The following TSPAN5 variants were observed in gnomAD, a reference collection of about 807,000 sequenced individuals.
The protein encoded by TSPAN5 is tetraspanin 5, also known as tetraspanin-5.
In TSPAN5, 10 loss-of-function variants were observed where a neutral mutation model predicts 37.1. The ratio of observed to expected loss-of-function variants is 0.27; its 90% CI spans 0.17 to 0.46. The LOEUF (loss-of-function observed/expected upper bound fraction) is 0.46. Ranked by LOEUF, TSPAN5 falls within the 20% of genes least tolerant of loss-of-function variation. The pLI is 1.00. For synonymous variants in TSPAN5, 110 were observed against 118.9 expected (o/e 0.93, Z 0.48); for missense variants, 195 against 326.6 (o/e 0.60, Z 3.11).
chr4:98,648,783 C>A (rs1226027381), intron 1 of TSPAN5, among the ~76,000 whole-genome samples: 1 of 152,212 alleles, frequency 6.6e-6, no homozygotes, highest in Non-Finnish European at 1.5e-5. Flanking sequence ...GAAGGAGAGG[C>A]CACATCTTCC....
chr4:98,472,390 G>A lies in TSPAN5; in HGVS notation c.*132C>T, dbSNP rs1752607917. The stretch of plus-strand genomic sequence containing the variant: ...TTTCCCAGTTTTACACTCCCCTAAT[G>A]GCAGCTCCATTAGGCGAGACTGCAG... On this transcript the variant is annotated 3_prime_UTR_variant, in exon 8 of 8. Transcript: ENST00000305798. 1.5e-6 allele frequency: 1 copy of A among 654,346 alleles called. No homozygotes were observed. Among genetic ancestry groups the A allele is most frequent in the Middle Eastern group, 4.3e-4 (1 of 2,352 alleles). 40.5% of individuals were successfully genotyped at this position (654,346 alleles called of 1,614,324 possible).
At chr4:98,638,698 CTGT>C (rs1756907028) in intron 1 of TSPAN5, among the ~76,000 whole-genome samples, 8 of 152,172 alleles carry the variant, frequency 5.3e-5, no homozygotes, top group Admixed American at 5.2e-4. Flanking sequence ...GAAGCTCCAC[CTGT>C]ATCTGGTCTT....
rs1198180086 is a variant in TSPAN5 at position 98,570,857 on chromosome 4, C to A, written c.82-63129G>T. Reference sequence around the variant, plus strand: ...GCACCTCCTACAGACCTGAGCCAAACTGGCTCTGAGCAACGCGTGCTGGGG... The same window carrying A: ...GCACCTCCTACAGACCTGAGCCAAAATGGCTCTGAGCAACGCGTGCTGGGG... On this transcript the variant is annotated intron_variant, in intron 1 of 7. Coordinates refer to ENST00000305798, the MANE Select transcript of TSPAN5 (RefSeq NM_005723.4). Among the ~76,000 whole-genome samples, 3 of 152,214 alleles carry A rather than the reference C, an allele frequency of 2.0e-5. No homozygotes were observed. The East Asian group carries it at 5.8e-4, about 30-fold the overall frequency.
At chr4:98,606,686 T>C (rs982057792) in intron 1 of TSPAN5, among the ~76,000 whole-genome samples, 1 of 152,206 alleles carries the variant, frequency 6.6e-6, no homozygotes, top group Non-Finnish European at 1.5e-5. Context: ...TGAACATATA[T>C]GAAAGGCAAT....
intron 1 of TSPAN5, among the ~76,000 whole-genome samples, chr4:98,642,105 T>A (rs1363225649): frequency 1.3e-5 from 2 of 152,182 alleles, no homozygotes; most frequent in Non-Finnish European, 2.9e-5. Flanking sequence ...CAAAGAACAA[T>A]GAAATAAGCA....
rs1214136742 is a variant in TSPAN5 at position 98,556,041 on chromosome 4, C to CCCCACA, written c.82-48314_82-48313insTGTGGG. On this transcript the variant is annotated intron_variant, in intron 1 of 7. Coordinates refer to ENST00000305798, the MANE Select transcript of TSPAN5 (RefSeq NM_005723.4). ...ACACACCCCCACACACACAGCACCC[C>CCCCACA]CACACACACACACACACACACACAG... is the stretch of plus-strand genomic sequence containing the variant. Among the ~76,000 whole-genome samples, 3 of 101,630 alleles carry CCCCACA rather than the reference C, an allele frequency of 3.0e-5. 1 individual carries two copies. Among genetic ancestry groups the CCCCACA allele is most frequent in the African/African-American group, 1.7e-4 (3 of 17,776 alleles). 66.7% of individuals were successfully genotyped at this position (101,630 alleles called of 152,430 possible).
chr4:98,586,668 T>C (rs1219521074), intron 1 of TSPAN5, among the ~76,000 whole-genome samples: 1 of 152,220 alleles, frequency 6.6e-6, no homozygotes, highest in African/African-American at 2.4e-5. Context: ...AAAGAGAGTT[T>C]GTTACAGTTA....
At chr4:98,641,580 G>A (rs1049528975) in intron 1 of TSPAN5, among the ~76,000 whole-genome samples, 7 of 152,156 alleles carry the variant, frequency 4.6e-5, no homozygotes, top group Non-Finnish European at 1.0e-4. Context: ...AAACGACTGC[G>A]CCAAAACCAT....
At chr4:98,585,114 AT>A (rs1755456487) in intron 1 of TSPAN5, among the ~76,000 whole-genome samples, 1 of 152,198 alleles carries the variant, frequency 6.6e-6, no homozygotes, top group Non-Finnish European at 1.5e-5. Context: ...AAAAAACCTA[AT>A]TTTTAAAAAG....
chr4:98,555,900 T>C (rs936361547), intron 1 of TSPAN5, among the ~76,000 whole-genome samples: 1 of 152,062 alleles, frequency 6.6e-6, no homozygotes, highest in African/African-American at 2.4e-5. Flanking sequence ...AGGATATCCT[T>C]AGCAAAAGCA....
At chr4:98,601,291 C>T (rs1159015720) in intron 1 of TSPAN5, among the ~76,000 whole-genome samples, 1 of 152,230 alleles carries the variant, frequency 6.6e-6, no homozygotes, top group African/African-American at 2.4e-5. Flanking sequence ...CAGGCACTGA[C>T]TTCTCCTCTC....
chr4:98,506,979 G>A (rs544780270), intron 2 of TSPAN5, among the ~76,000 whole-genome samples: 3 of 152,312 alleles, frequency 2.0e-5, no homozygotes, highest in African/African-American at 7.2e-5. Flanking sequence ...ATGGGAAGGA[G>A]AGGTGTGGAC....
At chr4:98,531,100 C>T (rs954057740) in intron 1 of TSPAN5, among the ~76,000 whole-genome samples, 3 of 152,004 alleles carry the variant, frequency 2.0e-5, no homozygotes, top group South Asian at 2.1e-4. Flanking sequence ...CTTTAAGTTC[C>T]GGAGTACATG....
intron 1 of TSPAN5, among the ~76,000 whole-genome samples, chr4:98,582,154 T>C (rs761440568): frequency 6.6e-6 from 1 of 152,328 alleles, no homozygotes; most frequent in South Asian, 2.1e-4. Flanking sequence ...CAATATAAAC[T>C]GCATAGCTTT....
At chr4:98,488,740 G>A (rs1336656880) in intron 2 of TSPAN5, among the ~76,000 whole-genome samples, 1 of 152,156 alleles carries the variant, frequency 6.6e-6, no homozygotes, top group Admixed American at 6.5e-5. Flanking sequence ...GAAAAAACTT[G>A]CCAGAGAAGT....
At chr4:98,582,719 C>T (rs896935595) in intron 1 of TSPAN5, among the ~76,000 whole-genome samples, 1 of 152,140 alleles carries the variant, frequency 6.6e-6, no homozygotes, top group Non-Finnish European at 1.5e-5. Flanking sequence ...CACTGAAGTT[C>T]GGAGATGGAT....
intron 1 of TSPAN5, among the ~76,000 whole-genome samples, chr4:98,611,557 T>A (rs1180723882): frequency 1.3e-5 from 2 of 152,232 alleles, no homozygotes; most frequent in Non-Finnish European, 1.5e-5. Context: ...ATATGCCAGA[T>A]GCTTACCAAC....
rs1486140633 is a variant in TSPAN5, at chr4:98,592,432, T to TG, written c.81+65713_81+65714insC. Among the ~76,000 whole-genome samples the TG allele has an allele frequency of 5.5e-3, 792 of 144,416 alleles. 12 individuals carry two copies. Among genetic ancestry groups the TG allele is most frequent in the African/African-American group, 0.019 (734 of 38,104 alleles). 94.7% of individuals were successfully genotyped at this position (144,416 alleles called of 152,430 possible). A position where few individuals can be genotyped will look rare whatever the true frequency, so the allele number is the denominator to read the frequency against. ...ACTAAGGGATCTCTGTTTTTTGTTT[T>TG]TTTTTTTTTTTTTTTTATTATACTC... On this transcript the variant is annotated intron_variant, in intron 1 of 7. Transcript: ENST00000305798.
chr4:98,626,479 C>A (rs1315999713), intron 1 of TSPAN5, among the ~76,000 whole-genome samples: 1 of 152,132 alleles, frequency 6.6e-6, no homozygotes, highest in East Asian at 1.9e-4. Context: ...CCCTCAGTGG[C>A]AACAAGCCTA....
Sources: gnomAD v4.1 joint callset for allele counts (sites outside exome capture counted in the v4.1 genomes callset) on GRCh38, gnomAD v4.1.1 for gene constraint, MANE v1.5 for transcripts, NCBI Gene and HGNC (gene_info 2026-07-23, HGNC 2026-07-21) for gene names.